COL25A1: variants seen among roughly 807,000 people sequenced by gnomAD.
COL25A1 encodes the protein collagen alpha-1(XXV) chain.
In COL25A1, 103 loss-of-function variants were observed where a neutral mutation model predicts 128.4. The ratio of observed to expected loss-of-function variants is 0.80; its 90% CI spans 0.68 to 0.94. The LOEUF is 0.94. Ranked by LOEUF, COL25A1 falls within the 40% of genes least tolerant of loss-of-function variation. The pLI is 0.00. For missense variants in COL25A1, 745 were observed against 840.0 expected (o/e 0.89, Z 1.40); for synonymous variants, 279 against 277.2 (o/e 1.01, Z -0.06).
At chr4:108,984,165 T>A (rs373557513) in intron 6 of COL25A1, among the ~76,000 whole-genome samples, 1 of 152,192 alleles carries the variant, frequency 6.6e-6, no homozygotes, top group African/African-American at 2.4e-5. Context: ...TACAGAGTGT[T>A]GATTGGTGCA....
intron 3 of COL25A1, among the ~76,000 whole-genome samples, chr4:109,060,442 T>C (rs937391310): frequency 1.3e-5 from 2 of 152,132 alleles, no homozygotes; most frequent in Non-Finnish European, 2.9e-5. Flanking sequence ...CAGTATCACA[T>C]AGCGTAATGA....
chr4:109,235,356 T>A (rs1188495435), intron 3 of COL25A1, among the ~76,000 whole-genome samples: 1 of 152,088 alleles, frequency 6.6e-6, no homozygotes, highest in Non-Finnish European at 1.5e-5. Context: ...AATATATTCC[T>A]GGGGGATCTA....
chr4:108,996,841 T>C (rs1754827360), intron 6 of COL25A1, among the ~76,000 whole-genome samples: 1 of 152,074 alleles, frequency 6.6e-6, no homozygotes, highest in African/African-American at 2.4e-5. Context: ...ACCACAGAAC[T>C]ACATGGAAAC....
rs150154059 is a variant in COL25A1 at position 109,005,575 on chromosome 4, T to C, written c.438+4783A>G. On this transcript the variant is annotated intron_variant, in intron 6 of 37. Transcript: ENST00000399132. ...GCCTATTCCTAAAGTACCTAAAACATATCCCCATAGTATAATAGAAGTAGA... is the reference window on the plus strand; with the variant it reads ...GCCTATTCCTAAAGTACCTAAAACACATCCCCATAGTATAATAGAAGTAGA... Among the ~76,000 whole-genome samples the C allele has an allele frequency of 8.4e-4, 128 of 152,320 alleles. 2 individuals are homozygous for C. The East Asian group carries it at 0.022, about 27-fold the overall frequency.
At chr4:109,215,300 A>G (rs1777898745) in intron 3 of COL25A1, among the ~76,000 whole-genome samples, 1 of 152,206 alleles carries the variant, frequency 6.6e-6, no homozygotes, top group Non-Finnish European at 1.5e-5. Context: ...AAGTCAATAA[A>G]CAAATCATCA....
At chr4:108,930,622 G>A (rs1382132985) in intron 11 of COL25A1, among the ~76,000 whole-genome samples, 2 of 152,218 alleles carry the variant, frequency 1.3e-5, no homozygotes, top group Non-Finnish European at 2.9e-5. Context: ...AAGAATGGAG[G>A]AAGGTGTGGG....
At chr4:109,268,805 T>G (rs901016748) in intron 3 of COL25A1, among the ~76,000 whole-genome samples, 1 of 152,136 alleles carries the variant, frequency 6.6e-6, no homozygotes, top group Admixed American at 6.6e-5. Flanking sequence ...GCCTAGCTAG[T>G]GAGACCAAAG....
intron 20 of COL25A1, among the ~76,000 whole-genome samples, chr4:108,866,717 A>G (rs187275521): frequency 6.6e-6 from 1 of 152,332 alleles, no homozygotes; most frequent in East Asian, 1.9e-4. Flanking sequence ...GCTGAAAGAG[A>G]TTTTTAAAAT....
intron 11 of COL25A1, among the ~76,000 whole-genome samples, chr4:108,933,182 T>C (rs1228582486): frequency 6.6e-6 from 1 of 152,226 alleles, no homozygotes; most frequent in Non-Finnish European, 1.5e-5. Context: ...GAGACACTCA[T>C]GCAGTTTTGC....
At chr4:109,135,229 A>G (rs1769615666) in intron 3 of COL25A1, among the ~76,000 whole-genome samples, 1 of 152,102 alleles carries the variant, frequency 6.6e-6, no homozygotes, top group Non-Finnish European at 1.5e-5. Flanking sequence ...GTAGAAGACA[A>G]GTTAGATCAA....
intron 3 of COL25A1, among the ~76,000 whole-genome samples, chr4:109,277,542 G>T (rs1249401006): frequency 1.3e-5 from 2 of 152,064 alleles, no homozygotes; most frequent in Admixed American, 6.6e-5. Flanking sequence ...AATTAGATTT[G>T]TCCTATATGA....
At chr4:109,266,810 G>A (rs1440606987) in intron 3 of COL25A1, among the ~76,000 whole-genome samples, 1 of 152,146 alleles carries the variant, frequency 6.6e-6, no homozygotes, top group African/African-American at 2.4e-5. Flanking sequence ...GTTATAAACT[G>A]AACCCATGAC....
chr4:108,968,534 T>G (rs1442271654), intron 8 of COL25A1, among the ~76,000 whole-genome samples: 2 of 152,018 alleles, frequency 1.3e-5, no homozygotes, highest in African/African-American at 4.8e-5. Flanking sequence ...TGCAGTGTCC[T>G]GCTTCTACCT....
At chr4:109,178,727 C>G (rs1311157737) in intron 3 of COL25A1, among the ~76,000 whole-genome samples, 1 of 148,546 alleles carries the variant, frequency 6.7e-6, no homozygotes, top group African/African-American at 2.5e-5. Flanking sequence ...CCCAGCTACT[C>G]AGGAAGCTGA....
At chr4:109,194,338 T>C (rs77053363) in intron 3 of COL25A1, among the ~76,000 whole-genome samples, 3,549 of 152,322 alleles carry the variant, frequency 0.023, 120 homozygotes, top group African/African-American at 0.073. Flanking sequence ...TTAATCATAG[T>C]GTCATGTATA....
chr4:108,898,176 G>A (rs903296292), intron 15 of COL25A1, among the ~76,000 whole-genome samples: 10 of 152,112 alleles, frequency 6.6e-5, no homozygotes, highest in African/African-American at 2.4e-4. Flanking sequence ...AGGGAAACTG[G>A]CTCAGAGTAA....
intron 3 of COL25A1, among the ~76,000 whole-genome samples, chr4:109,263,905 G>C (rs1331209631): frequency 2.0e-5 from 3 of 152,172 alleles, no homozygotes; most frequent in Non-Finnish European, 4.4e-5. Flanking sequence ...GTCCTCTATA[G>C]ACCAGGCACA....
chr4:109,066,984 T>C (rs749841249), intron 3 of COL25A1, among the ~76,000 whole-genome samples: 7 of 152,172 alleles, frequency 4.6e-5, no homozygotes, highest in Non-Finnish European at 7.3e-5. Flanking sequence ...AAATCAAATT[T>C]CACCATGTCA....
intron 3 of COL25A1, among the ~76,000 whole-genome samples, chr4:109,176,641 C>T (rs1200064198): frequency 6.6e-6 from 1 of 152,094 alleles, no homozygotes; most frequent in East Asian, 1.9e-4. Context: ...GCCCTAGTCC[C>T]CAGTACCTGT....
Sources: allele counts gnomAD v4.1 joint callset (sites outside exome capture counted in the v4.1 genomes callset), GRCh38; gene constraint gnomAD v4.1.1; transcripts MANE v1.5; gene names NCBI Gene and HGNC (gene_info 2026-07-23, HGNC 2026-07-21).